CNTN3: variants seen among roughly 807,000 people sequenced by gnomAD.
CNTN3 encodes the protein contactin 3, also known as contactin-3.
CNTN3 carries 60 observed loss-of-function variants against 119.1 expected under a neutral mutation model. The ratio of observed to expected loss-of-function variants is 0.50; its 90% CI spans 0.41 to 0.62. CNTN3 has a LOEUF of 0.62. Among genes scored for constraint, CNTN3 ranks in the 20% least tolerant of loss-of-function variants. The pLI is 0.00. For missense variants in CNTN3, 1,101 were observed against 1,242.4 expected, an observed-to-expected ratio of 0.89 and a Z score of 1.71; for synonymous variants, 450 against 438.7, an observed-to-expected ratio of 1.03 and a Z score of -0.32.
At chr3:74,541,268 C>A (rs1703838945) in intron 1 of CNTN3, among the ~76,000 whole-genome samples, 1 of 152,088 alleles carries the variant, frequency 6.6e-6, no homozygotes, top group Non-Finnish European at 1.5e-5. Flanking sequence ...GAAACTCTTG[C>A]CCTTTTACAC....
chr3:74,335,534 T>C (rs927116759), intron 12 of CNTN3, among the ~76,000 whole-genome samples: 1 of 152,150 alleles, frequency 6.6e-6, no homozygotes, highest in African/African-American at 2.4e-5. Flanking sequence ...CTACTCCACA[T>C]TACTTTGCAC....
At chr3:74,344,402 T>TTG in intron 11 of CNTN3, among the ~76,000 whole-genome samples, 1 of 3,920 alleles carries the variant, frequency 2.6e-4, no homozygotes, top group Admixed American at 4.5e-3. Context: ...CAGTGGTTTT[T>TTG]TTTTTTTTTT....
At chr3:74,400,952 A>G (rs1366071941) in intron 5 of CNTN3, among the ~76,000 whole-genome samples, 1 of 152,190 alleles carries the variant, frequency 6.6e-6, no homozygotes, top group Non-Finnish European at 1.5e-5. Context: ...TATAAGATCA[A>G]AGCAAAGAAG....
At chr3:74,597,115 C>T (rs1242070719) in intron 1 of CNTN3, among the ~76,000 whole-genome samples, 1 of 152,042 alleles carries the variant, frequency 6.6e-6, no homozygotes, top group Non-Finnish European at 1.5e-5. Flanking sequence ...AGTCTCTACC[C>T]ATTAGTTCAC....
chr3:74,584,152 A>G (rs1704557482), intron 1 of CNTN3, among the ~76,000 whole-genome samples: 1 of 152,188 alleles, frequency 6.6e-6, no homozygotes, highest in African/African-American at 2.4e-5. Context: ...GGGCTAGACA[A>G]TTACATGTGA....
chr3:74,326,230 A>G (rs971244858), intron 13 of CNTN3, among the ~76,000 whole-genome samples: 17 of 152,020 alleles, frequency 1.1e-4, no homozygotes, highest in African/African-American at 4.1e-4. Flanking sequence ...CAAATTATTA[A>G]CATGAATTTA....
At chr3:74,503,348 C>T (rs1206421541) in intron 2 of CNTN3, among the ~76,000 whole-genome samples, 1 of 152,134 alleles carries the variant, frequency 6.6e-6, no homozygotes, top group African/African-American at 2.4e-5. Flanking sequence ...TTTAAGGCTC[C>T]TAAAGGCTTT....
chr3:74,505,878 T>C (rs1382811392), intron 2 of CNTN3, among the ~76,000 whole-genome samples: 1 of 152,144 alleles, frequency 6.6e-6, no homozygotes, highest in Non-Finnish European at 1.5e-5. Context: ...ATAAAAGTGA[T>C]GAAAACCCTT....
At chr3:74,438,654 TAGTAG>T (rs1701911614) in intron 4 of CNTN3, among the ~76,000 whole-genome samples, 1 of 152,172 alleles carries the variant, frequency 6.6e-6, no homozygotes, top group Admixed American at 6.5e-5. Flanking sequence ...TCCCCCTAGT[TAGTAG>T]AGTAGTTATT....
intron 1 of CNTN3, among the ~76,000 whole-genome samples, chr3:74,522,219 T>C (rs1411027373): frequency 6.6e-6 from 1 of 151,974 alleles, no homozygotes; most frequent in Admixed American, 6.6e-5. Context: ...TAAGTCATCA[T>C]TCCTATAATA....
At chr3:74,338,462 G>GTA (rs1238181900) in intron 11 of CNTN3, among the ~76,000 whole-genome samples, 1 of 147,466 alleles carries the variant, frequency 6.8e-6, no homozygotes, top group Admixed American at 6.7e-5. Flanking sequence ...GCACATATGT[G>GTA]TATACACATA....
At chr3:74,577,259 G>A (rs1168505855) in intron 1 of CNTN3, among the ~76,000 whole-genome samples, 1 of 152,102 alleles carries the variant, frequency 6.6e-6, no homozygotes, top group Non-Finnish European at 1.5e-5. Context: ...AAAATGAAGA[G>A]ATATTTCACT....
intron 5 of CNTN3, among the ~76,000 whole-genome samples, chr3:74,414,048 A>C (rs1325557543): frequency 6.6e-6 from 1 of 152,182 alleles, no homozygotes; most frequent in Non-Finnish European, 1.5e-5. Context: ...AGAGGTGCTC[A>C]ATCTCTGTGA....
intron 12 of CNTN3, 75 bp from the exon 13 acceptor site, chr3:74,334,985 T>A: frequency 9.0e-7 from 1 of 1,111,986 alleles, no homozygotes; most frequent in African/African-American, 1.6e-5. Context: ...AGACTGTTCA[T>A]CTAACTTATA....
intron 9 of CNTN3, among the ~76,000 whole-genome samples, chr3:74,365,129 A>C (rs1347792734): frequency 6.6e-6 from 1 of 152,116 alleles, no homozygotes; most frequent in Admixed American, 6.6e-5. Flanking sequence ...AAGGGCAAAA[A>C]TTACATGGCT....
intron 1 of CNTN3, among the ~76,000 whole-genome samples, chr3:74,540,621 T>G (rs1018617496): frequency 3.9e-5 from 6 of 152,046 alleles, no homozygotes; most frequent in Non-Finnish European, 8.8e-5. Context: ...GAATTTGAAT[T>G]TGAGCAATCA....
chr3:74,593,264 T>C (rs1249660580), intron 1 of CNTN3, among the ~76,000 whole-genome samples: 1 of 151,944 alleles, frequency 6.6e-6, no homozygotes, highest in East Asian at 1.9e-4. Flanking sequence ...CAGAGCCTCC[T>C]GAATCATCTC....
intron 1 of CNTN3, among the ~76,000 whole-genome samples, chr3:74,536,463 T>C (rs1703766754): frequency 6.6e-6 from 1 of 152,096 alleles, no homozygotes; most frequent in Non-Finnish European, 1.5e-5. Flanking sequence ...ATCAATGTGG[T>C]TTCATTTCCC....
At chr3:74,561,885 AAC>A (rs2107174955) in intron 1 of CNTN3, among the ~76,000 whole-genome samples, 1 of 152,316 alleles carries the variant, frequency 6.6e-6, no homozygotes, top group South Asian at 2.1e-4. Context: ...ATGCCAAAAC[AAC>A]ACATAATCAT....
Sources: allele counts gnomAD v4.1 joint callset (sites outside exome capture counted in the v4.1 genomes callset), GRCh38; gene constraint gnomAD v4.1.1; transcripts MANE v1.5; gene names NCBI Gene and HGNC (gene_info 2026-07-23, HGNC 2026-07-21).